The following UNG variants were observed in gnomAD, a reference collection of about 807,000 sequenced individuals.
UNG encodes uracil-DNA glycosylase.
Under a neutral mutation model 36.5 loss-of-function variants are expected in UNG, and 34 were observed. The ratio of observed to expected loss-of-function variants is 0.93; its 90% CI spans 0.71 to 1.24. The LOEUF (loss-of-function observed/expected upper bound fraction) is 1.24. Among genes scored for constraint, UNG ranks in the 50% most tolerant of loss-of-function variants. UNG has a pLI of 0.00. For missense variants in UNG, 391 were observed against 397.6 expected (o/e 0.98, Z 0.14); for synonymous variants, 172 against 157.8 (o/e 1.09, Z -0.67).
chr12:109,100,088 C>G (rs949934109), intron 3 of UNG, among the ~76,000 whole-genome samples: 5 of 152,040 alleles, frequency 3.3e-5, no homozygotes, highest in Admixed American at 6.6e-5. Flanking sequence ...CGTGGCTTCT[C>G]ACTGTTGAAC....
chr12:109,103,880 G>T lies in UNG; in HGVS notation c.801+269G>T, dbSNP rs3219238. ...AGTTGGTGCTGTAGGCATGAACTTG[G>T]TGTCTACAAGATACAAGTCCCTGGG... On this transcript the variant is annotated intron_variant, in intron 6 of 6. Transcript: ENST00000242576. 7.2e-3 allele frequency among the ~76,000 whole-genome samples: 1,102 copies of T among 152,198 alleles called. 21 individuals are homozygous for T. The highest frequency in any genetic ancestry group is 0.025 in the African/African-American group (1,040 of 41,506).
intron 1 of UNG, chr12:109,098,114 C>T (rs1255358515): frequency 1.5e-6 from 2 of 1,370,714 alleles, no homozygotes; most frequent in Non-Finnish European, 1.9e-6. Context: ...GGTTTTTTGC[C>T]GCGAAAAGAC....
rs146408261 is a variant in UNG, at chr12:109,103,496, G to A, written c.686G>A (p.Arg229Gln). The change falls in exon 6 of 7, where the codon CGA becomes CAA. Residue 229 changes from arginine to glutamine, a missense_variant. By Grantham distance (43) the Arg-to-Gln change is conservative (BLOSUM62 1). Coordinates refer to ENST00000242576, the MANE Select transcript of UNG (RefSeq NM_080911.3). ...RAHQANSHKE[R>Q]GWEQFTDAVV... Reference sequence around the variant, plus strand: ...CATCAAGCCAACTCTCATAAGGAGCGAGGCTGGGAGCAGTTCACTGATGCA... The same window carrying A: ...CATCAAGCCAACTCTCATAAGGAGCAAGGCTGGGAGCAGTTCACTGATGCA... The A allele has an allele frequency of 5.6e-6, 9 of 1,614,196 alleles. No homozygotes were observed. Among genetic ancestry groups the A allele is most frequent in the African/African-American group, 2.7e-5 (2 of 75,056 alleles).
chr12:109,102,822 T>G lies in UNG; in HGVS notation c.534-17T>G, dbSNP rs777618710. 1.2e-6 allele frequency: 2 copies of G among 1,602,336 alleles called. No individual in the cohort carries two copies. Among genetic ancestry groups the G allele is most frequent in the East Asian group, 4.5e-5 (2 of 44,830 alleles). On this transcript the variant is annotated splice_polypyrimidine_tract_variant and intron_variant, in intron 4 of 6. Coordinates refer to ENST00000242576, the MANE Select transcript of UNG (RefSeq NM_080911.3). Reference sequence around the variant, plus strand: ...CTTAAGATTCTGTTTTTTGTTTTTCTTGTGGCTTGCTTTCAGTTTGGAGAA... The same window carrying G: ...CTTAAGATTCTGTTTTTTGTTTTTCGTGTGGCTTGCTTTCAGTTTGGAGAA...
intron 4 of UNG, 40 bp from the exon 5 acceptor site, chr12:109,102,789 AAATTATGCTT>A: frequency 6.7e-7 from 1 of 1,498,264 alleles, no homozygotes; most frequent in Admixed American, 1.7e-5. Context: ...TGAGCTTTCA[AAATTATGCTT>A]AAGATTCTGT....
At chr12:109,100,411 A>G (rs1332510506) in intron 3 of UNG, among the ~76,000 whole-genome samples, 1 of 152,220 alleles carries the variant, frequency 6.6e-6, no homozygotes, top group Non-Finnish European at 1.5e-5. Flanking sequence ...TTTAATGAAT[A>G]TCTGTGAAAT....
chr12:109,109,786 A>G lies in UNG; in HGVS notation c.802-43A>G, dbSNP rs754968730. ...CTCAAAAAAAAAAAAAAAAAATTTA[A>G]AAAGTCCCAAATCTGCCACCATTTA... is the stretch of plus-strand genomic sequence containing the variant. On this transcript the variant is annotated intron_variant, in intron 6 of 6. Coordinates refer to ENST00000242576, the MANE Select transcript of UNG (RefSeq NM_080911.3). The G allele has an allele frequency of 5.7e-6, 9 of 1,591,368 alleles. No individual in the cohort carries two copies. In the African/African-American group the frequency reaches 1.1e-4, roughly 20 times the overall value.
At chr12:109,108,297 AC>A (rs1385281108) in intron 6 of UNG, among the ~76,000 whole-genome samples, 1 of 152,162 alleles carries the variant, frequency 6.6e-6, no homozygotes, top group African/African-American at 2.4e-5. Flanking sequence ...GTATAACCAT[AC>A]TTTGAGCACT....
At chr12:109,099,450 T>C (rs921576392) in intron 3 of UNG, 166 bp downstream of exon 3, 1 of 657,208 alleles carries the variant, frequency 1.5e-6, no homozygotes, top group Non-Finnish European at 2.7e-6. Flanking sequence ...CTCTTTTTAA[T>C]GTTTACCACG....
intron 1 of UNG, chr12:109,098,230 C>A (rs1462546118): frequency 8.1e-6 from 12 of 1,481,502 alleles, no homozygotes; most frequent in Non-Finnish European, 1.1e-5. Flanking sequence ...CCTCCCAGCC[C>A]GTCTCCCCGC....
Position 109,101,894 on chromosome 12 carries a change from GTTCACAGGTGA to G in UNG, c.436-7_439del. On this transcript the variant is annotated splice_acceptor_variant and splice_polypyrimidine_tract_variant and coding_sequence_variant and intron_variant, in exon 4 of 7. Transcript: ENST00000242576. LOFTEE classifies it high-confidence loss of function. ...ATTGTTTAATTCCTGACCCCTGGTGGTTCACAGGTGAAGGTTGTCATCCTGGGACAGGATCC... is the reference window on the plus strand; with the variant it reads ...ATTGTTTAATTCCTGACCCCTGGTGGAGGTTGTCATCCTGGGACAGGATCC... 6.2e-7 allele frequency: 1 copy of G among 1,613,042 alleles called. No individual in the cohort carries two copies. The highest frequency in any genetic ancestry group is 1.1e-5 in the South Asian group (1 of 91,054).
At chr12:109,105,205 C>T (rs1356539024) in intron 6 of UNG, 1 of 152,236 alleles carries the variant, frequency 6.6e-6, no homozygotes, top group Non-Finnish European at 1.5e-5. Flanking sequence ...TAAGCCACCG[C>T]ACCCGACCAG....
At position 109,098,609 on chromosome 12, in the gene UNG, G is replaced by A. The variant is rs146420387; in HGVS notation, c.310G>A (p.Gly104Arg). The part of the protein sequence containing the change: ...FGESWKKHLS[G>R]EFGKPYFIKL... ...AGAGAGCTGGAAGAAGCACCTCAGCGGGGAGTTCGGGAAACCGTATTTTAT... is the reference window on the plus strand; with the variant it reads ...AGAGAGCTGGAAGAAGCACCTCAGCAGGGAGTTCGGGAAACCGTATTTTAT... Residue 104 changes from glycine (G) to arginine (R), a missense_variant, in exon 2 of 7, where the codon GGG becomes AGG. Coordinates refer to ENST00000242576, the MANE Select transcript of UNG (RefSeq NM_080911.3). 1 of 1,613,438 alleles carries A rather than the reference G, an allele frequency of 6.2e-7. No individual in the cohort carries two copies. Among genetic ancestry groups the A allele is most frequent in the African/African-American group, 1.3e-5 (1 of 74,942 alleles).
At chr12:109,109,580 C>T (rs986457806) in intron 6 of UNG, among the ~76,000 whole-genome samples, 4 of 151,586 alleles carry the variant, frequency 2.6e-5, no homozygotes, top group Non-Finnish European at 4.4e-5. Context: ...GTCAAGAGAT[C>T]GAGACCATCC....
Position 109,109,783 on chromosome 12 carries a change from T to G in UNG, c.802-46T>G, listed in dbSNP as rs780475617. On this transcript the variant is annotated intron_variant, in intron 6 of 6. Coordinates refer to ENST00000242576, the MANE Select transcript of UNG (RefSeq NM_080911.3). ...TGTCTCAAAAAAAAAAAAAAAAAAT[T>G]TAAAAAGTCCCAAATCTGCCACCAT... 3.4e-6 allele frequency: 5 copies of G among 1,483,542 alleles called. No individual in the cohort carries two copies. The South Asian group carries it at 4.8e-5, about 14-fold the overall frequency. The allele number at this position is 1,483,542 out of a possible 1,614,324, so 91.9% of individuals were successfully genotyped here. A position where few individuals can be genotyped will look rare whatever the true frequency, so the allele number is the denominator to read the frequency against.
rs1431356164 is a variant in UNG, at chr12:109,101,822, TTGTTTA to T, written c.436-74_436-69del. The T allele has an allele frequency of 8.2e-6, 10 of 1,224,242 alleles. No homozygotes were observed. The Middle Eastern group carries it at 7.0e-4, about 86-fold the overall frequency. The allele number at this position is 1,224,242 out of a possible 1,614,324, so 75.8% of individuals were successfully genotyped here. A position where few individuals can be genotyped will look rare whatever the true frequency, so the allele number is the denominator to read the frequency against. Reference sequence around the variant, plus strand: ...ATGCCATAGAAGTGTTTTATTTGTTTTGTTTATGTTTGTTTGAGGCAGGGTCTGTGC... The same window carrying T: ...ATGCCATAGAAGTGTTTTATTTGTTTTGTTTGTTTGAGGCAGGGTCTGTGC... On this transcript the variant is annotated intron_variant, in intron 3 of 6. Coordinates refer to ENST00000242576, the MANE Select transcript of UNG (RefSeq NM_080911.3).
rs1428379961 is a variant in UNG at position 109,106,905 on chromosome 12, G to GTGTATATATATA, written c.802-2923_802-2922insGTATATATATAT. On this transcript the variant is annotated intron_variant, in intron 6 of 6. Coordinates refer to ENST00000242576, the MANE Select transcript of UNG (RefSeq NM_080911.3). ...TATATATATACACATATATATATAC[G>GTGTATATATATA]TATATATATATGTGTATATATATAT... Among the ~76,000 whole-genome samples the GTGTATATATATA allele has an allele frequency of 4.0e-4, 18 of 44,744 alleles. 3 individuals carry two copies. Among genetic ancestry groups the GTGTATATATATA allele is most frequent in the African/African-American group, 2.5e-3 (16 of 6,458 alleles). The allele number at this position is 44,744 out of a possible 152,430, so 29.4% of individuals were successfully genotyped here.
At chr12:109,100,601 T>G (rs1282078091) in intron 3 of UNG, among the ~76,000 whole-genome samples, 1 of 152,218 alleles carries the variant, frequency 6.6e-6, no homozygotes, top group Non-Finnish European at 1.5e-5. Context: ...TGCCCTATTC[T>G]GAATACCAGT....
chr12:109,106,765 G>A lies in UNG; in HGVS notation c.802-3064G>A, dbSNP rs3219258. On this transcript the variant is annotated intron_variant, in intron 6 of 6. Coordinates refer to ENST00000242576, the MANE Select transcript of UNG (RefSeq NM_080911.3). Reference sequence around the variant, plus strand: ...ATACAAAAAATTAGCCAGGTGTGGCGGCGTGTGCCTGTAGTCCCAGCTACT... The same window carrying A: ...ATACAAAAAATTAGCCAGGTGTGGCAGCGTGTGCCTGTAGTCCCAGCTACT... Among the ~76,000 whole-genome samples the A allele has an allele frequency of 2.8e-3, 410 of 147,648 alleles. 4 individuals are homozygous for A. The highest frequency in any genetic ancestry group is 0.01 in the African/African-American group (402 of 39,936).
Sources: gnomAD v4.1 joint callset for allele counts (sites outside exome capture counted in the v4.1 genomes callset) on GRCh38, gnomAD v4.1.1 for gene constraint, MANE v1.5 for transcripts, NCBI Gene and HGNC (gene_info 2026-07-23, HGNC 2026-07-21) for gene names.